The following MED25 variants were observed in gnomAD, a reference collection of about 807,000 sequenced individuals.
MED25 encodes mediator of RNA polymerase II transcription subunit 25.
A neutral mutation model predicts 89.4 loss-of-function variants in MED25; 62 were observed. The observed-to-expected ratio is 0.69, with a 90% confidence interval of 0.57 to 0.86. The LOEUF (loss-of-function observed/expected upper bound fraction) is 0.86, where lower values mean the gene tolerates loss of function less well. MED25 is among the 40% of genes least tolerant of loss of function. MED25 has a pLI of 0.00. For missense variants in MED25, 905 were observed against 1,005.2 expected, an observed-to-expected ratio of 0.90 and a Z score of 1.35; for synonymous variants, 449 against 427.9, an observed-to-expected ratio of 1.05 and a Z score of -0.61.
downstream of MED25, chr19:49,838,300 A>T (rs1568626958): frequency 3.1e-6 from 1 of 326,130 alleles, no homozygotes; most frequent in Non-Finnish European, 6.0e-6. Context: ...ATTCACACAC[A>T]CACACGCACA....
In MED25 at chr19:49,832,431, G is replaced by A. The variant is rs781344903; in HGVS notation, c.1482+16G>A. 5.1e-5 allele frequency: 70 copies of A among 1,367,692 alleles called. No homozygotes were observed. The highest frequency in any genetic ancestry group is 6.7e-5 in the Non-Finnish European group (64 of 961,666). 84.7% of individuals were successfully genotyped at this position (1,367,692 alleles called of 1,614,324 possible). On this transcript the variant is annotated intron_variant, in intron 13 of 17. Coordinates refer to ENST00000312865, the MANE Select transcript of MED25 (RefSeq NM_030973.4). ...CAACGGCTTCGTGAGTCCAGGGCAT[G>A]GGGGGCCGAGGGGTGTTGACTCTTG...
chr19:49,835,474 G>A lies in MED25; in HGVS notation c.1675-60G>A, dbSNP rs373544482. The A allele has an allele frequency of 9.1e-5, 134 of 1,468,746 alleles. 3 individuals are homozygous for A. Among genetic ancestry groups the A allele is most frequent in the Admixed American group, 3.9e-4 (17 of 43,886 alleles). The allele number at this position is 1,468,746 out of a possible 1,614,324, so 91.0% of individuals were successfully genotyped here. On this transcript the variant is annotated intron_variant, in intron 14 of 17. Transcript: ENST00000312865. The surrounding 1 kb of genome is among the most constrained non-coding windows in gnomAD (Gnocchi z 6.2). ...TTCCCCTCAGGGCACAGGCCCTCCC[G>A]CCTCAGATTCAGGATGCCACCACCC... is the stretch of plus-strand genomic sequence containing the variant.
rs1194739866 is a variant in MED25 at position 49,834,783 on chromosome 19, G to A, written c.1483-203G>A. On this transcript the variant is annotated intron_variant, in intron 13 of 17. Coordinates refer to ENST00000312865, the MANE Select transcript of MED25 (RefSeq NM_030973.4). The surrounding 1 kb of genome is among the most constrained non-coding windows in gnomAD (Gnocchi z 4.1). ...TTCTCTCCGCTTTCCCTCTCAGTGG[G>A]CAGCTGGAACCCTAGCTTGCCCTGA... 10 of 602,438 alleles carry A rather than the reference G, an allele frequency of 1.7e-5. No individual in the cohort carries two copies. The highest frequency in any genetic ancestry group is 3.0e-5 in the Non-Finnish European group (10 of 338,668). The allele number at this position is 602,438 out of a possible 1,614,324, so 37.3% of individuals were successfully genotyped here. A position where few individuals can be genotyped will look rare whatever the true frequency, so the allele number is the denominator to read the frequency against.
rs1180404060 is a variant in MED25 at position 49,836,658 on chromosome 19, G to C, written c.2147-189G>C. 1.4e-6 allele frequency: 1 copy of C among 738,648 alleles called. No individual in the cohort carries two copies. The highest frequency in any genetic ancestry group is 2.5e-6 in the Non-Finnish European group (1 of 408,084). 45.8% of individuals were successfully genotyped at this position (738,648 alleles called of 1,614,324 possible). Reference sequence around the variant, plus strand: ...GGGATTGCTGGGAAATGTGGTCTTAGGGCCAGAGAAGTAGTTTTGGAGAAG... The same window carrying C: ...GGGATTGCTGGGAAATGTGGTCTTACGGCCAGAGAAGTAGTTTTGGAGAAG... On this transcript the variant is annotated intron_variant, in intron 17 of 17. Transcript: ENST00000312865. This position sits in a 1 kb window ranked among gnomAD's most constrained non-coding sequence, Gnocchi z 5.1.
Position 49,835,735 on chromosome 19 carries a change from C to T in MED25, c.1755C>T (p.Leu585=), listed in dbSNP as rs1004381819. The change falls in exon 16 of 18, where the codon CTC becomes CTT. Residue 585 remains leucine, a synonymous_variant. Coordinates refer to ENST00000312865, the MANE Select transcript of MED25 (RefSeq NM_030973.4). This position sits in a 1 kb window ranked among gnomAD's most constrained non-coding sequence, Gnocchi z 6.2. ...QARPSQNLLQ[L]RPPQPQPQGT... ...GTGTCTCTTCCCACCAGCTCCAGCT[C>T]CGCCCACCGCAGCCCCAGCCTCAGG... 6.2e-7 allele frequency: 1 copy of T among 1,609,844 alleles called. No homozygotes were observed. The highest frequency in any genetic ancestry group is 1.3e-5 in the African/African-American group (1 of 74,816).
At position 49,831,408 on chromosome 19, in the gene MED25, C is replaced by T. The variant is rs2068470818; in HGVS notation, c.1177C>T (p.Gln393Ter). 6.2e-7 allele frequency: 1 copy of T among 1,611,622 alleles called. No homozygotes were observed. Among genetic ancestry groups the T allele is most frequent in the African/African-American group, 1.3e-5 (1 of 74,916 alleles). ...QLGAPALGGQ[Q>*]SVSNKLLAWS... ...GGGAGCCCCAGCCCTCGGTGGGCAG[C>T]AGTCAGTCTCCAATAAGCTTCTGGC... The change falls in exon 10 of 18, where the codon CAG becomes TAG. Residue 393 changes from glutamine (Q) to a stop codon, truncating the protein, a stop_gained. Transcript: ENST00000312865. LOFTEE classifies it high-confidence loss of function. This position sits in a 1 kb window ranked among gnomAD's most constrained non-coding sequence, Gnocchi z 5.0.
rs1323429948 is a variant in MED25 at position 49,835,918 on chromosome 19, G to A, written c.1938G>A (p.Leu646=). The change falls in exon 16 of 18, where the codon CTG becomes CTA. Residue 646 remains leucine, a synonymous_variant. Coordinates refer to ENST00000312865, the MANE Select transcript of MED25 (RefSeq NM_030973.4). The surrounding 1 kb of genome is among the most constrained non-coding windows in gnomAD (Gnocchi z 6.2). The part of the protein sequence containing the change: ...RPQNPGANPQ[L]RSLLLNPPPP... ...AGAACCCTGGGGCCAACCCTCAGCTGCGAAGCCTCCTCCTCAACCCACCAC... is the reference window on the plus strand; with the variant it reads ...AGAACCCTGGGGCCAACCCTCAGCTACGAAGCCTCCTCCTCAACCCACCAC... 6.2e-6 allele frequency: 10 copies of A among 1,612,898 alleles called. No individual in the cohort carries two copies. The highest frequency in any genetic ancestry group is 7.6e-6 in the Non-Finnish European group (9 of 1,179,974).
chr19:49,838,784 C>T (rs1434438152), downstream of MED25: 1 of 453,540 alleles, frequency 2.2e-6, no homozygotes, highest in Admixed American at 2.4e-5. Context: ...ACTCGAGATG[C>T]CATCCTCAAC....
At chr19:49,828,819 T>C (rs1377599438) in intron 4 of MED25, 151 bp from the exon 5 acceptor site, 5 of 1,465,828 alleles carry the variant, frequency 3.4e-6, no homozygotes, top group East Asian at 4.9e-5. Context: ...CCAGAACCTC[T>C]TGGAGCCTCA....
At position 49,835,768 on chromosome 19, in the gene MED25, AGGGGCCTCT is replaced by A. The variant is rs764613506; in HGVS notation, c.1795_1803del (p.Ser599_Ala601del). 34 of 1,609,398 alleles carry A rather than the reference AGGGGCCTCT, an allele frequency of 2.1e-5. No individual in the cohort carries two copies. Among genetic ancestry groups the A allele is most frequent in the Non-Finnish European group, 2.8e-5 (33 of 1,177,754 alleles). Reference sequence around the variant, plus strand: ...CGCAGCCCCAGCCTCAGGGTACCGTAGGGGCCTCTGGGGCCACGGGGCAGCCCCAGCCCC... The same window carrying A: ...CGCAGCCCCAGCCTCAGGGTACCGTAGGGGCCACGGGGCAGCCCCAGCCCC... On this transcript the variant is annotated inframe_deletion, in exon 16 of 18. Coordinates refer to ENST00000312865, the MANE Select transcript of MED25 (RefSeq NM_030973.4). This position sits in a 1 kb window ranked among gnomAD's most constrained non-coding sequence, Gnocchi z 6.2.
downstream of MED25, chr19:49,840,312 C>T (rs571928817): frequency 2.6e-5 from 4 of 152,280 alleles, no homozygotes; most frequent in South Asian, 8.3e-4. Context: ...AAAATATAAA[C>T]TCCAGTAACA....
chr19:49,836,430 G>A lies in MED25; in HGVS notation c.2146+24G>A. On this transcript the variant is annotated intron_variant, in intron 17 of 17. Coordinates refer to ENST00000312865, the MANE Select transcript of MED25 (RefSeq NM_030973.4). The surrounding 1 kb of genome is among the most constrained non-coding windows in gnomAD (Gnocchi z 5.1). ...AGGTAAGGGGACCCGGGGGAGGGCA[G>A]AGGTCTGGACTGAGTGTCCCAGCAG... 6.4e-7 allele frequency: 1 copy of A among 1,567,504 alleles called. No homozygotes were observed. The highest frequency in any genetic ancestry group is 2.4e-5 in the East Asian group (1 of 42,164).
downstream of MED25, among the ~76,000 whole-genome samples, chr19:49,838,215 G>A (rs538086328): frequency 1.3e-5 from 2 of 152,324 alleles, no homozygotes; most frequent in South Asian, 2.1e-4. Context: ...TCGTGCGGAT[G>A]AGTTTTGTTT....
At position 49,829,180 on chromosome 19, in the gene MED25, T is replaced by G. The variant is rs559546255; in HGVS notation, c.525+90T>G. ...GGCACTGAGGGCCTGGACTCCTGGGTCTGAGGGAGGAGGCACTGGGGGCCT... is the reference window on the plus strand; with the variant it reads ...GGCACTGAGGGCCTGGACTCCTGGGGCTGAGGGAGGAGGCACTGGGGGCCT... On this transcript the variant is annotated intron_variant, in intron 5 of 17. Coordinates refer to ENST00000312865, the MANE Select transcript of MED25 (RefSeq NM_030973.4). This position sits in a 1 kb window ranked among gnomAD's most constrained non-coding sequence, Gnocchi z 4.6. 1 of 1,221,958 alleles carries G rather than the reference T, an allele frequency of 8.2e-7. No homozygotes were observed. Among genetic ancestry groups the G allele is most frequent in the African/African-American group, 1.5e-5 (1 of 66,592 alleles). 75.7% of individuals were successfully genotyped at this position (1,221,958 alleles called of 1,614,324 possible).
chr19:49,820,125 T>C (rs1049357857), intron 3 of MED25, among the ~76,000 whole-genome samples: 1 of 151,902 alleles, frequency 6.6e-6, no homozygotes, highest in African/African-American at 2.4e-5. Flanking sequence ...GGTGAGCCAC[T>C]GTTGCGGGAT....
At position 49,827,199 on chromosome 19, in the gene MED25, G is replaced by A. The variant is rs137979093; in HGVS notation, c.306-1250G>A. On this transcript the variant is annotated intron_variant, in intron 3 of 17. Transcript: ENST00000312865. ...GTCAGCCTCTCACGACCACGTGACC[G>A]GAATAATGGTGGCAACCACAGCTGC... Among the ~76,000 whole-genome samples, 7 of 152,314 alleles carry A rather than the reference G, an allele frequency of 4.6e-5. No individual in the cohort carries two copies. The East Asian group carries it at 1.3e-3, about 29-fold the overall frequency.
intron 3 of MED25, among the ~76,000 whole-genome samples, chr19:49,828,219 A>G (rs1600322209): frequency 7.0e-6 from 1 of 142,920 alleles, no homozygotes; most frequent in Non-Finnish European, 1.5e-5. Context: ...ACAGAGCGAG[A>G]CTCCATCTCA....
chr19:49,831,556 G>A lies in MED25; in HGVS notation c.1230+95G>A. The stretch of plus-strand genomic sequence containing the variant: ...TGGGGCCAGATGCGTGGGGTCTGCA[G>A]TGCTGGGTTTGGAGGCATTCGTTGC... On this transcript the variant is annotated intron_variant, in intron 10 of 17. Transcript: ENST00000312865. This position sits in a 1 kb window ranked among gnomAD's most constrained non-coding sequence, Gnocchi z 5.0. 6.8e-7 allele frequency: 1 copy of A among 1,467,252 alleles called. No homozygotes were observed. The highest frequency in any genetic ancestry group is 9.2e-7 in the Non-Finnish European group (1 of 1,084,266). The allele number at this position is 1,467,252 out of a possible 1,614,324, so 90.9% of individuals were successfully genotyped here. A position where few individuals can be genotyped will look rare whatever the true frequency, so the allele number is the denominator to read the frequency against.
chr19:49,818,604 C>T lies in MED25; in HGVS notation c.168C>T (p.Asp56=), dbSNP rs1469914664. Residue 56 remains aspartate (D), a synonymous_variant, in exon 2 of 18, where the codon GAC becomes GAT. Coordinates refer to ENST00000312865, the MANE Select transcript of MED25 (RefSeq NM_030973.4). The part of the protein sequence containing the change: ...YFNGGPPAET[D]FGGDYGGTQY... Reference sequence around the variant, plus strand: ...ATGGTGGTCCTCCTGCTGAGACGGACTTCGGGGGAGACGTGAGTCTAGGGA... The same window carrying T: ...ATGGTGGTCCTCCTGCTGAGACGGATTTCGGGGGAGACGTGAGTCTAGGGA... The T allele has an allele frequency of 6.2e-7, 1 of 1,614,070 alleles. No individual in the cohort carries two copies. The highest frequency in any genetic ancestry group is 8.5e-7 in the Non-Finnish European group (1 of 1,180,000).
Sources: allele counts gnomAD v4.1 joint callset (sites outside exome capture counted in the v4.1 genomes callset), GRCh38; gene constraint gnomAD v4.1.1; non-coding constraint Gnocchi (gnomAD v3.1); transcripts MANE v1.5; gene names NCBI Gene and HGNC (gene_info 2026-07-23, HGNC 2026-07-21).